Variants in HECW1 observed in about 807,000 individuals in gnomAD.
HECW1 encodes HECT, C2 and WW domain containing E3 ubiquitin protein ligase 1, also known as E3 ubiquitin-protein ligase HECW1.
HECW1 carries 61 observed loss-of-function variants against 182.3 expected under a neutral mutation model. The observed-to-expected ratio is 0.33, with a 90% CI of 0.27 to 0.41. The LOEUF (loss-of-function observed/expected upper bound fraction) is 0.41. HECW1 is among the 10% of genes least tolerant of loss of function. The pLI is 1.00. For missense variants in HECW1, 1,739 were observed against 2,108.9 expected (o/e 0.82, Z 3.44); for synonymous variants, 859 against 832.6 (o/e 1.03, Z -0.55).
At chr7:43,398,326 T>C (rs1383008506) in intron 7 of HECW1, among the ~76,000 whole-genome samples, 1 of 152,134 alleles carries the variant, frequency 6.6e-6, no homozygotes, top group Admixed American at 6.5e-5. Flanking sequence ...GCTAACATGA[T>C]ATACAAAGCT....
chr7:43,314,050 G>A (rs1452628336), intron 4 of HECW1, among the ~76,000 whole-genome samples: 3 of 152,178 alleles, frequency 2.0e-5, no homozygotes, highest in Admixed American at 2.0e-4. Context: ...CAGGGCTCAA[G>A]TGATCCTTCA....
At chr7:43,514,737 A>C (rs1227566889) in intron 24 of HECW1, among the ~76,000 whole-genome samples, 1 of 152,222 alleles carries the variant, frequency 6.6e-6, no homozygotes, top group Non-Finnish European at 1.5e-5. Context: ...AATTAAGCTA[A>C]ATAATGAAGG....
Position 43,143,855 on chromosome 7 carries a change from A to G in HECW1, c.-32+29464A>G, listed in dbSNP as rs566030659. Among the ~76,000 whole-genome samples, 4 of 152,332 alleles carry G rather than the reference A, an allele frequency of 2.6e-5. No individual in the cohort carries two copies. In the East Asian group the frequency reaches 7.7e-4, roughly 29 times the overall value. On this transcript the variant is annotated intron_variant, in intron 2 of 29. Coordinates refer to ENST00000395891, the MANE Select transcript of HECW1 (RefSeq NM_015052.5). ...ATTAAGTTAGAAATTTTTCCAGCTC[A>G]GAAGTCTAGAGGGAACTAGGTAGTT...
At chr7:43,494,396 A>G (rs2079040027) in intron 19 of HECW1, among the ~76,000 whole-genome samples, 2 of 152,072 alleles carry the variant, frequency 1.3e-5, no homozygotes, top group South Asian at 4.1e-4. Context: ...AATATTCCCT[A>G]TCACCCTATC....
chr7:43,445,632 A>G lies in HECW1; in HGVS notation c.2398+62A>G, dbSNP rs1055542034. On this transcript the variant is annotated intron_variant, in intron 11 of 29. Coordinates refer to ENST00000395891, the MANE Select transcript of HECW1 (RefSeq NM_015052.5). ...CATCAGGGGGACAAAGGTGTCACCA[A>G]CAGTTTAAAAACAAGAAGGGCGGGG... 2.7e-6 allele frequency: 4 copies of G among 1,464,298 alleles called. No homozygotes were observed. In the African/African-American group the frequency reaches 5.7e-5, roughly 21 times the overall value. The allele number at this position is 1,464,298 out of a possible 1,614,324, so 90.7% of individuals were successfully genotyped here.
At chr7:43,339,493 G>T (rs1003868477) in intron 5 of HECW1, among the ~76,000 whole-genome samples, 1 of 152,150 alleles carries the variant, frequency 6.6e-6, no homozygotes, top group East Asian at 1.9e-4. Context: ...GGCAAAGGCT[G>T]TACTTAATAT....
At chr7:43,170,425 C>T (rs1376023233) in intron 2 of HECW1, among the ~76,000 whole-genome samples, 1 of 152,072 alleles carries the variant, frequency 6.6e-6, no homozygotes, top group East Asian at 1.9e-4. Flanking sequence ...GGTTGGAGAC[C>T]GCTGGTTTCA....
At chr7:43,115,596 A>G (rs1784978409) in intron 2 of HECW1, among the ~76,000 whole-genome samples, 1 of 152,210 alleles carries the variant, frequency 6.6e-6, no homozygotes, top group Non-Finnish European at 1.5e-5. Context: ...GCTTGTCACA[A>G]AAATGGGTGA....
At position 43,445,131 on chromosome 7, in the gene HECW1, C is replaced by T. The variant is rs1168887802; in HGVS notation, c.1959C>T (p.Ser653=). ...GAAQDGDTHP[S]TGSESDSSPR... ...CCCAGGATGGCGACACGCACCCCAG[C>T]ACCGGGAGCGAGAGCGACTCCAGCC... The change falls in exon 11 of 30, where the codon AGC becomes AGT. Residue 653 remains serine (S), a synonymous_variant. Transcript: ENST00000395891. The T allele has an allele frequency of 1.9e-6, 3 of 1,609,528 alleles. No homozygotes were observed. Among genetic ancestry groups the T allele is most frequent in the Admixed American group, 3.3e-5 (2 of 59,928 alleles).
intron 2 of HECW1, among the ~76,000 whole-genome samples, chr7:43,156,843 A>T (rs1246410609): frequency 1.3e-5 from 2 of 152,030 alleles, no homozygotes; most frequent in Non-Finnish European, 2.9e-5. Flanking sequence ...TCCCACACCA[A>T]AGTGATCAGG....
chr7:43,494,966 C>T (rs952795635), intron 19 of HECW1, among the ~76,000 whole-genome samples: 10 of 152,176 alleles, frequency 6.6e-5, no homozygotes, highest in African/African-American at 2.4e-4. Context: ...GGAATGACTT[C>T]CCTATTAAGG....
At chr7:43,217,704 T>G (rs529199619) in intron 2 of HECW1, among the ~76,000 whole-genome samples, 1 of 152,370 alleles carries the variant, frequency 6.6e-6, no homozygotes, top group South Asian at 2.1e-4. Context: ...TCCTCTTCTC[T>G]TTCTGAACTG....
At chr7:43,143,222 C>T (rs1280158423) in intron 2 of HECW1, among the ~76,000 whole-genome samples, 2 of 152,204 alleles carry the variant, frequency 1.3e-5, no homozygotes, top group African/African-American at 4.8e-5. Context: ...CCACCCACCT[C>T]AGCCTCCCAA....
At chr7:43,141,741 G>A (rs559545176) in intron 2 of HECW1, among the ~76,000 whole-genome samples, 10 of 152,206 alleles carry the variant, frequency 6.6e-5, no homozygotes, top group Non-Finnish European at 1.2e-4. Flanking sequence ...CAGGTGATCC[G>A]CCAGCCTCGG....
intron 19 of HECW1, among the ~76,000 whole-genome samples, chr7:43,500,194 G>A (rs572430891): frequency 2.6e-5 from 4 of 151,176 alleles, no homozygotes; most frequent in Non-Finnish European, 5.9e-5. Flanking sequence ...TCCGCCTCCC[G>A]GTTCAAGCGA....
intron 4 of HECW1, among the ~76,000 whole-genome samples, chr7:43,317,163 C>G (rs1314695539): frequency 5.3e-5 from 8 of 152,150 alleles, no homozygotes; most frequent in Non-Finnish European, 1.5e-5. Flanking sequence ...CAAGCATGGC[C>G]TTGAGAAATG....
At chr7:43,144,318 G>A (rs1788472250) in intron 2 of HECW1, among the ~76,000 whole-genome samples, 3 of 152,148 alleles carry the variant, frequency 2.0e-5, no homozygotes. Flanking sequence ...ACTTGGCTGA[G>A]GTAGTGTTTG....
chr7:43,269,423 G>C (rs1444494482), intron 3 of HECW1, among the ~76,000 whole-genome samples: 1 of 152,156 alleles, frequency 6.6e-6, no homozygotes, highest in Non-Finnish European at 1.5e-5. Context: ...ATGAGACAAG[G>C]CCTGGGTGCC....
intron 3 of HECW1, among the ~76,000 whole-genome samples, chr7:43,259,032 C>A (rs757102687): frequency 3.4e-4 from 51 of 152,198 alleles, no homozygotes; most frequent in Non-Finnish European, 6.2e-4. Context: ...AAAAAGTCAG[C>A]ACTCTCAAGG....
Sources: gnomAD v4.1 joint callset for allele counts (sites outside exome capture counted in the v4.1 genomes callset) on GRCh38, gnomAD v4.1.1 for gene constraint, MANE v1.5 for transcripts, NCBI Gene and HGNC (gene_info 2026-07-23, HGNC 2026-07-21) for gene names.